The following SPMIP2 variants were observed in gnomAD, a reference collection of about 807,000 sequenced individuals.
SPMIP2 encodes the protein protein SPMIP2.
At chr4:159,018,450 G>A in the SPMIP2 span, among the ~76,000 whole-genome samples, 1 of 152,152 alleles carries the variant, frequency 6.6e-6, no homozygotes, top group East Asian at 1.9e-4. Context: ...GCTCAGTCCA[G>A]CTAAGGCACT....
chr4:158,916,640 TA>T, the SPMIP2 span, among the ~76,000 whole-genome samples: 1 of 151,846 alleles, frequency 6.6e-6, no homozygotes, highest in African/African-American at 2.4e-5. Flanking sequence ...TGTATGTATG[TA>T]TGTATGTATG....
At chr4:158,919,782 G>A in the SPMIP2 span, among the ~76,000 whole-genome samples, 9 of 152,242 alleles carry the variant, frequency 5.9e-5, no homozygotes, top group African/African-American at 2.2e-4. Context: ...TGATGCTCAA[G>A]TTATCCCAGA....
At chr4:159,082,447 C>CTG in the SPMIP2 span, among the ~76,000 whole-genome samples, 1 of 50,546 alleles carries the variant, frequency 2.0e-5, no homozygotes, top group African/African-American at 8.5e-5. Context: ...TTCCACTTTT[C>CTG]TCTGTGTGTG....
chr4:159,048,731 CTTTT>C, the SPMIP2 span, among the ~76,000 whole-genome samples: 10 of 111,480 alleles, frequency 9.0e-5, no homozygotes, highest in African/African-American at 1.7e-4. Flanking sequence ...TCCCCTTCCA[CTTTT>C]TTTTTTTTTT....
chr4:158,965,493 T>C, the SPMIP2 span, among the ~76,000 whole-genome samples: 1 of 152,164 alleles, frequency 6.6e-6, no homozygotes, highest in African/African-American at 2.4e-5. Context: ...GCAACTGTAC[T>C]CACCCTTGGA....
At chr4:159,065,499 C>T in the SPMIP2 span, among the ~76,000 whole-genome samples, 2 of 152,076 alleles carry the variant, frequency 1.3e-5, no homozygotes, top group East Asian at 3.8e-4. Context: ...TGGCAAATCA[C>T]TTGCAGTCAG....
the SPMIP2 span, among the ~76,000 whole-genome samples, chr4:159,035,612 A>C: frequency 1.3e-5 from 2 of 152,248 alleles, no homozygotes; most frequent in African/African-American, 4.8e-5. Flanking sequence ...ACACAAATAT[A>C]TATAGATATA....
At chr4:158,981,768 A>G in the SPMIP2 span, among the ~76,000 whole-genome samples, 2 of 149,212 alleles carry the variant, frequency 1.3e-5, no homozygotes, top group Non-Finnish European at 3.0e-5. Flanking sequence ...AATTGTAAAG[A>G]CCATCAACAC....
At chr4:158,983,382 A>T in the SPMIP2 span, among the ~76,000 whole-genome samples, 7 of 151,746 alleles carry the variant, frequency 4.6e-5, no homozygotes, top group South Asian at 4.2e-4. Context: ...AGTTGAAATG[A>T]AGGAAAAAAT....
chr4:159,049,246 C>T, the SPMIP2 span, among the ~76,000 whole-genome samples: 4 of 152,136 alleles, frequency 2.6e-5, no homozygotes, highest in African/African-American at 7.2e-5. Flanking sequence ...CCAGCTGGAC[C>T]AAGTAAGCTC....
At chr4:158,924,520 C>T in the SPMIP2 span, among the ~76,000 whole-genome samples, 1 of 152,182 alleles carries the variant, frequency 6.6e-6, no homozygotes, top group Admixed American at 6.5e-5. Context: ...GCTGGGATTA[C>T]AGGTGCCCAC....
the SPMIP2 span, among the ~76,000 whole-genome samples, chr4:158,935,489 G>GT: frequency 6.6e-6 from 1 of 152,054 alleles, no homozygotes; most frequent in Non-Finnish European, 1.5e-5. Flanking sequence ...TTACGTCTTT[G>GT]TGTCTTCAGC....
chr4:159,065,631 T>G, the SPMIP2 span, among the ~76,000 whole-genome samples: 1 of 152,086 alleles, frequency 6.6e-6, no homozygotes, highest in African/African-American at 2.4e-5. Flanking sequence ...GGTGGGAGGA[T>G]CTCCTAAGTC....
chr4:159,073,296 G>C, the SPMIP2 span, among the ~76,000 whole-genome samples: 1 of 152,020 alleles, frequency 6.6e-6, no homozygotes, highest in Non-Finnish European at 1.5e-5. Context: ...TGGGGCCACA[G>C]GCGCACGCCA....
the SPMIP2 span, among the ~76,000 whole-genome samples, chr4:158,953,474 G>C: frequency 1.3e-5 from 2 of 152,272 alleles, no homozygotes; most frequent in Non-Finnish European, 2.9e-5. Flanking sequence ...GTTTTCTGCA[G>C]GGGTGGGGTG....
At chr4:158,909,100 T>C in the SPMIP2 span, among the ~76,000 whole-genome samples, 1 of 152,236 alleles carries the variant, frequency 6.6e-6, no homozygotes, top group Non-Finnish European at 1.5e-5. Context: ...TATATTGGTA[T>C]GATATAAATT....
chr4:159,078,949 C>T, the SPMIP2 span, among the ~76,000 whole-genome samples: 1 of 152,030 alleles, frequency 6.6e-6, no homozygotes, highest in Non-Finnish European at 1.5e-5. Context: ...GAAACCCCAT[C>T]TCTACTAAAA....
chr4:158,895,587 T>C, the SPMIP2 span, among the ~76,000 whole-genome samples: 1 of 152,236 alleles, frequency 6.6e-6, no homozygotes, highest in Non-Finnish European at 1.5e-5. Flanking sequence ...TTCTTATACC[T>C]GGTAGTGGTA....
chr4:159,025,908 T>TAC, the SPMIP2 span, among the ~76,000 whole-genome samples: 1 of 152,216 alleles, frequency 6.6e-6, no homozygotes, highest in Non-Finnish European at 1.5e-5. Context: ...TCTTCATGCT[T>TAC]ACACCTATTT....
Sources: gnomAD v4.1 joint callset for allele counts (sites outside exome capture counted in the v4.1 genomes callset) on GRCh38, gnomAD v4.1.1 for gene constraint, MANE v1.5 for transcripts, NCBI Gene and HGNC (gene_info 2026-07-23, HGNC 2026-07-21) for gene names.